Variants in PIGB observed in about 807,000 individuals in gnomAD.
PIGB encodes GPI alpha-1,2-mannosyltransferase 3.
Under a neutral mutation model 68.4 loss-of-function variants are expected in PIGB, and 58 were observed. The observed-to-expected ratio is 0.85, with a 90% confidence interval of 0.69 to 1.06. The LOEUF (loss-of-function observed/expected upper bound fraction) is 1.06, where lower values mean the gene tolerates loss of function less well. Among genes scored for constraint, PIGB ranks in the 50% least tolerant of loss-of-function variants. The probability of loss-of-function intolerance (pLI) is 0.00; values close to 1 mark genes in which losing one functional copy is unlikely to be tolerated. For synonymous variants in PIGB, 219 were observed against 220.5 expected (o/e 0.99, Z 0.06); for missense variants, 634 against 655.8 (o/e 0.97, Z 0.36).
chr15:55,326,891 T>C (rs2055301010), intron 3 of PIGB, among the ~76,000 whole-genome samples: 1 of 151,808 alleles, frequency 6.6e-6, no homozygotes, highest in African/African-American at 2.4e-5. Context: ...GCTATTAATA[T>C]TTACATTAAA....
intron 9 of PIGB, among the ~76,000 whole-genome samples, chr15:55,349,337 C>T (rs894862125): frequency 5.3e-5 from 8 of 151,836 alleles, no homozygotes; most frequent in Admixed American, 4.6e-4. Context: ...TGCGCACTAT[C>T]ACGCCTGGCT....
chr15:55,343,278 G>A (rs1400918184), intron 9 of PIGB: 1 of 152,082 alleles, frequency 6.6e-6, no homozygotes, highest in Non-Finnish European at 1.5e-5. Context: ...ACAGCTATTT[G>A]GCAAGCCTTA....
intron 1 of PIGB, 70 bp downstream of exon 1, chr15:55,319,483 A>T: frequency 8.2e-7 from 1 of 1,221,958 alleles, no homozygotes; most frequent in Non-Finnish European, 1.1e-6. Context: ...TTTCATTACC[A>T]GCCAGTTGCC....
At chr15:55,333,385 C>G (rs1454353120) in intron 5 of PIGB, among the ~76,000 whole-genome samples, 1 of 152,102 alleles carries the variant, frequency 6.6e-6, no homozygotes, top group Non-Finnish European at 1.5e-5. Flanking sequence ...CGCCTGAGGT[C>G]AGGAGTTTGA....
chr15:55,320,732 T>G (rs556756767), intron 2 of PIGB, among the ~76,000 whole-genome samples: 3 of 152,278 alleles, frequency 2.0e-5, no homozygotes, highest in African/African-American at 7.2e-5. Flanking sequence ...CAAAATATCT[T>G]CATATTTTCA....
intron 6 of PIGB, among the ~76,000 whole-genome samples, chr15:55,338,197 GTC>G (rs1486272596): frequency 1.3e-5 from 2 of 152,168 alleles, no homozygotes; most frequent in Non-Finnish European, 2.9e-5. Context: ...GTTGGAGGCA[GTC>G]TCTGAGATGG....
In PIGB at chr15:55,320,259, T is replaced by G. The variant is rs1020782476; in HGVS notation, c.164-16T>G. On this transcript the variant is annotated splice_polypyrimidine_tract_variant and intron_variant, in intron 1 of 11. Coordinates refer to ENST00000164305, the MANE Select transcript of PIGB (RefSeq NM_004855.5). ...GACTTTTGTGCCACTATTACCTGTT[T>G]TGTTCTGTTTTTCAGATCTTCTTGG... 1.1e-5 allele frequency: 17 copies of G among 1,609,256 alleles called. No individual in the cohort carries two copies. The highest frequency in any genetic ancestry group is 1.4e-5 in the Non-Finnish European group (16 of 1,177,624).
chr15:55,330,490 G>C (rs953998394), intron 5 of PIGB, among the ~76,000 whole-genome samples: 1 of 152,136 alleles, frequency 6.6e-6, no homozygotes, highest in Non-Finnish European at 1.5e-5. Context: ...GAACATGAGT[G>C]AAGGCATAGA....
chr15:55,325,401 A>G (rs1310714016), intron 3 of PIGB, among the ~76,000 whole-genome samples: 1 of 152,188 alleles, frequency 6.6e-6, no homozygotes, highest in Non-Finnish European at 1.5e-5. Context: ...TAAACAAACC[A>G]AGATTAAATT....
In PIGB at chr15:55,321,255, A is replaced by G; in HGVS notation, c.300-18A>G. ...TAGGTTTCAATATTATTGGACATTTACTCCTTAATGTTACTAATTATGGTT... is the reference window on the plus strand; with the variant it reads ...TAGGTTTCAATATTATTGGACATTTGCTCCTTAATGTTACTAATTATGGTT... On this transcript the variant is annotated intron_variant, in intron 2 of 11. Coordinates refer to ENST00000164305, the MANE Select transcript of PIGB (RefSeq NM_004855.5). The G allele has an allele frequency of 6.4e-7, 1 of 1,557,106 alleles. No individual in the cohort carries two copies.
intron 5 of PIGB, 90 bp downstream of exon 5, chr15:55,329,944 C>A: frequency 1.1e-6 from 1 of 900,322 alleles, no homozygotes; most frequent in Non-Finnish European, 1.6e-6. Flanking sequence ...AGTAGACCCC[C>A]TAATTTTCAT....
At chr15:55,321,485 C>A in intron 3 of PIGB, 95 bp downstream of exon 3, 1 of 956,200 alleles carries the variant, frequency 1.0e-6, no homozygotes. Context: ...TCTGGGAAGC[C>A]CATGATACTA....
In PIGB at chr15:55,333,864, T is replaced by C. The variant is rs759925084; in HGVS notation, c.654-3T>C. 2.9e-5 allele frequency: 45 copies of C among 1,567,780 alleles called. No individual in the cohort carries two copies. The highest frequency in any genetic ancestry group is 4.7e-5 in the East Asian group (2 of 42,848). On this transcript the variant is annotated splice_region_variant and splice_polypyrimidine_tract_variant and intron_variant, in intron 5 of 11. Transcript: ENST00000164305. Reference sequence around the variant, plus strand: ...TGTCTTATCACACATTTTCCTCTTATAGTGTCAAATACTCATCCCTGGTGG... The same window carrying C: ...TGTCTTATCACACATTTTCCTCTTACAGTGTCAAATACTCATCCCTGGTGG...
rs763635137 is a variant in PIGB at position 55,333,873 on chromosome 15, A to G, written c.660A>G (p.Lys220=). The change falls in exon 6 of 12, where the codon AAA becomes AAG. Residue 220 remains lysine, a synonymous_variant. Transcript: ENST00000164305. ...LEGSKSMNSV[K]YSSLVALAFI... ...ACACATTTTCCTCTTATAGTGTCAA[A>G]TACTCATCCCTGGTGGCACTTGCCT... 6.3e-7 allele frequency: 1 copy of G among 1,595,940 alleles called. No individual in the cohort carries two copies. Among genetic ancestry groups the G allele is most frequent in the East Asian group, 2.3e-5 (1 of 43,948 alleles).
In PIGB at chr15:55,341,819, G is replaced by T; in HGVS notation, c.1123+17G>T. 1 of 1,219,544 alleles carries T rather than the reference G, an allele frequency of 8.2e-7. No individual in the cohort carries two copies. The allele number at this position is 1,219,544 out of a possible 1,614,324, so 75.5% of individuals were successfully genotyped here. ...TGTTCTGTGGTAAGTGCTTTTGTTT[G>T]TTATAGAAAATAAATTATATAGAAA... is the stretch of plus-strand genomic sequence containing the variant. On this transcript the variant is annotated intron_variant, in intron 9 of 11. Coordinates refer to ENST00000164305, the MANE Select transcript of PIGB (RefSeq NM_004855.5).
chr15:55,351,434 T>C (rs1330429239), intron 10 of PIGB, among the ~76,000 whole-genome samples: 1 of 151,966 alleles, frequency 6.6e-6, no homozygotes, highest in Non-Finnish European at 1.5e-5. Flanking sequence ...TTAAAAACAA[T>C]TTACTTACAC....
At chr15:55,345,706 C>T (rs184791097) in intron 9 of PIGB, among the ~76,000 whole-genome samples, 22 of 152,270 alleles carry the variant, frequency 1.4e-4, no homozygotes, top group Admixed American at 1.3e-3. Flanking sequence ...TTGCATTGAG[C>T]CGAGATCGGC....
intron 7 of PIGB, 151 bp from the exon 8 acceptor site, chr15:55,340,455 TAAAAAA>T (rs377443578): frequency 2.8e-4 from 88 of 315,700 alleles, no homozygotes; most frequent in Non-Finnish European, 3.5e-4. Flanking sequence ...GACTCCATCT[TAAAAAA>T]AAAAAAAAAA....
chr15:55,329,599 T>A, intron 4 of PIGB, 125 bp from the exon 5 acceptor site: 1 of 762,688 alleles, frequency 1.3e-6, no homozygotes, highest in Non-Finnish European at 2.0e-6. Context: ...CCTACTTACT[T>A]TAACATCATC....
Sources: gnomAD v4.1 joint callset for allele counts (sites outside exome capture counted in the v4.1 genomes callset) on GRCh38, gnomAD v4.1.1 for gene constraint, MANE v1.5 for transcripts, NCBI Gene and HGNC (gene_info 2026-07-23, HGNC 2026-07-21) for gene names.